NRXN3: variants seen among roughly 807,000 people sequenced by gnomAD.
NRXN3 encodes the protein neurexin 3, also known as neurexin III.
NRXN3 carries 32 observed loss-of-function variants against 137.6 expected under a neutral mutation model. That is an observed-to-expected ratio of 0.23 (90% CI 0.18 to 0.31). NRXN3 has a LOEUF of 0.31. Among genes scored for constraint, NRXN3 ranks in the 10% least tolerant of loss-of-function variants. The probability of loss-of-function intolerance (pLI) is 1.00; values close to 1 mark genes in which losing one functional copy is unlikely to be tolerated. For missense variants in NRXN3, 1,574 were observed against 2,062.5 expected, an observed-to-expected ratio of 0.76 and a Z score of 4.59; for synonymous variants, 798 against 784.5, an observed-to-expected ratio of 1.02 and a Z score of -0.29.
intron 15 of NRXN3, among the ~76,000 whole-genome samples, chr14:79,271,400 C>T (rs2079281042): frequency 7.2e-6 from 1 of 138,586 alleles, no homozygotes. Context: ...CTTCTTCCTT[C>T]CCCTTCCCTT....
intron 4 of NRXN3, among the ~76,000 whole-genome samples, chr14:78,562,107 C>T (rs982103549): frequency 9.9e-5 from 15 of 151,928 alleles, no homozygotes; most frequent in Non-Finnish European, 1.2e-4. Flanking sequence ...GGTGGTTTAA[C>T]GCTGAGGCAG....
chr14:79,661,673 T>G (rs2098534579), intron 16 of NRXN3: 2 of 152,194 alleles, frequency 1.3e-5, no homozygotes, highest in African/African-American at 4.8e-5. Context: ...ATCTGAGATT[T>G]AGAAAAACTC....
chr14:78,577,348 G>A (rs1165250976), intron 4 of NRXN3, among the ~76,000 whole-genome samples: 1 of 152,212 alleles, frequency 6.6e-6, no homozygotes, highest in Non-Finnish European at 1.5e-5. Flanking sequence ...TTATTCCAAA[G>A]ATGTATGGGT....
At chr14:78,632,584 T>C (rs10147519) in intron 4 of NRXN3, among the ~76,000 whole-genome samples, 10,503 of 152,246 alleles carry the variant, frequency 0.069, 533 homozygotes, top group African/African-American at 0.14. Flanking sequence ...CTGGAAATAT[T>C]AGAAGGATTT....
At chr14:78,577,353 A>G (rs567195319) in intron 4 of NRXN3, among the ~76,000 whole-genome samples, 5 of 152,330 alleles carry the variant, frequency 3.3e-5, no homozygotes, top group South Asian at 2.1e-4. Flanking sequence ...CCAAAGATGT[A>G]TGGGTATTTG....
intron 2 of NRXN3, among the ~76,000 whole-genome samples, chr14:78,263,873 TTGTGTGTGTGTGTGTGTGTGTGTGTG>T (rs3059009): frequency 5.2e-5 from 7 of 135,650 alleles, no homozygotes; most frequent in Non-Finnish European, 6.2e-5. Flanking sequence ...CAGTTCTATT[TTGTGTGTGTGTGTGTGTGTGTGTGTG>T]TGTGTGTGTG....
intron 2 of NRXN3, among the ~76,000 whole-genome samples, chr14:78,256,547 C>T (rs1232006826): frequency 6.6e-6 from 1 of 152,220 alleles, no homozygotes; most frequent in Non-Finnish European, 1.5e-5. Context: ...TTTGATTATG[C>T]ACATCATGCA....
intron 6 of NRXN3, among the ~76,000 whole-genome samples, chr14:78,678,080 C>T (rs1279767460): frequency 6.6e-6 from 1 of 152,048 alleles, no homozygotes; most frequent in Non-Finnish European, 1.5e-5. Context: ...GTGATAGTCT[C>T]TTTATTGCAG....
intron 8 of NRXN3, among the ~76,000 whole-genome samples, chr14:78,724,899 T>C (rs948141738): frequency 1.9e-4 from 29 of 152,216 alleles, no homozygotes; most frequent in African/African-American, 7.0e-4. Flanking sequence ...CATCTGGAAC[T>C]TGAGGCTGGA....
At chr14:79,799,604 G>T (rs78219539) in intron 19 of NRXN3, among the ~76,000 whole-genome samples, 7,739 of 152,140 alleles carry the variant, frequency 0.051, 632 homozygotes, top group African/African-American at 0.18. Context: ...CTACTAGTGG[G>T]TGTATAAATA....
chr14:79,593,478 A>G (rs1166232199), intron 16 of NRXN3, among the ~76,000 whole-genome samples: 3 of 151,874 alleles, frequency 2.0e-5, no homozygotes, highest in Non-Finnish European at 4.4e-5. Flanking sequence ...AAAATACAAA[A>G]AAATTAGCCG....
chr14:79,721,869 C>T (rs1352611094), intron 19 of NRXN3, among the ~76,000 whole-genome samples: 1 of 152,056 alleles, frequency 6.6e-6, no homozygotes, highest in Non-Finnish European at 1.5e-5. Flanking sequence ...ATAGTTTACC[C>T]AGTTCTGAGC....
intron 15 of NRXN3, chr14:79,201,301 C>A (rs1208074180): frequency 1.3e-5 from 2 of 152,202 alleles, no homozygotes; most frequent in African/African-American, 2.4e-5. Context: ...GCATTTGTCT[C>A]TTATTGCCAA....
chr14:78,371,013 C>T (rs946193000), intron 4 of NRXN3, among the ~76,000 whole-genome samples: 7 of 152,052 alleles, frequency 4.6e-5, no homozygotes, highest in Admixed American at 3.9e-4. Flanking sequence ...CAATATTTAC[C>T]AAAATGATGA....
At chr14:79,672,148 C>T (rs1002244816) in intron 17 of NRXN3, among the ~76,000 whole-genome samples, 1 of 151,966 alleles carries the variant, frequency 6.6e-6, no homozygotes. Context: ...TTTGCTGCAA[C>T]CCTCTGTAGG....
At chr14:79,154,120 A>G (rs542446094) in intron 15 of NRXN3, among the ~76,000 whole-genome samples, 1 of 152,096 alleles carries the variant, frequency 6.6e-6, no homozygotes, top group Non-Finnish European at 1.5e-5. Context: ...TACCAGGAAT[A>G]TAACCAACCA....
intron 4 of NRXN3, among the ~76,000 whole-genome samples, chr14:78,543,208 T>C (rs959700219): frequency 6.6e-6 from 1 of 152,152 alleles, no homozygotes; most frequent in African/African-American, 2.4e-5. Flanking sequence ...GATGTCCATT[T>C]CCTATAATCT....
rs117935157 is a variant in NRXN3 at position 78,780,337 on chromosome 14, C to T, written c.2045-23283C>T. On this transcript the variant is annotated intron_variant, in intron 8 of 20. Coordinates refer to ENST00000335750, the MANE Select transcript of NRXN3 (RefSeq NM_001330195.2). ...TATATAAAAATTTAAATGTAAAATG[C>T]GAAACTTTAAAATTTTTATAAGAAA... Among the ~76,000 whole-genome samples the T allele has an allele frequency of 5.4e-3, 824 of 151,430 alleles. 49 individuals are homozygous for T. In the East Asian group the frequency reaches 0.14, roughly 26 times the overall value.
At chr14:79,228,742 A>T (rs2071555743) in intron 15 of NRXN3, among the ~76,000 whole-genome samples, 1 of 152,156 alleles carries the variant, frequency 6.6e-6, no homozygotes, top group African/African-American at 2.4e-5. Flanking sequence ...AAGAGAGGAG[A>T]TTTACATTTA....
Sources: allele counts gnomAD v4.1 joint callset (sites outside exome capture counted in the v4.1 genomes callset), GRCh38; gene constraint gnomAD v4.1.1; transcripts MANE v1.5; gene names NCBI Gene and HGNC (gene_info 2026-07-23, HGNC 2026-07-21).